Variants in CDH4 observed in about 807,000 individuals in gnomAD.
CDH4 encodes cadherin 4.
A neutral mutation model predicts 86.0 loss-of-function variants in CDH4; 33 were observed. The ratio of observed to expected loss-of-function variants is 0.38; its 90% CI spans 0.29 to 0.51. The LOEUF (loss-of-function observed/expected upper bound fraction) is 0.51. Ranked by LOEUF, CDH4 falls within the 20% of genes least tolerant of loss-of-function variation. CDH4 has a pLI of 0.86. For synonymous variants in CDH4, 555 were observed against 549.4 expected (o/e 1.01, Z -0.14); for missense variants, 1,114 against 1,307.4 (o/e 0.85, Z 2.28).
chr20:61,930,471 C>T (rs561620849), intron 13 of CDH4, among the ~76,000 whole-genome samples: 20 of 152,232 alleles, frequency 1.3e-4, no homozygotes, highest in East Asian at 5.8e-4. Flanking sequence ...GGACAGTCAC[C>T]GTGGTCTGTG....
intron 4 of CDH4, among the ~76,000 whole-genome samples, chr20:61,778,220 A>T (rs1385094431): frequency 6.6e-6 from 1 of 152,152 alleles, no homozygotes; most frequent in Non-Finnish European, 1.5e-5. Flanking sequence ...CGGCTCCTGG[A>T]AGAAGCCCCA....
chr20:61,883,072 A>G (rs1353217717), intron 7 of CDH4, among the ~76,000 whole-genome samples: 1 of 151,936 alleles, frequency 6.6e-6, no homozygotes, highest in Non-Finnish European at 1.5e-5. Context: ...GAAATGAGAA[A>G]TGAACCCGGC....
chr20:61,284,228 T>C (rs2084281042), intron 2 of CDH4, among the ~76,000 whole-genome samples: 1 of 151,578 alleles, frequency 6.6e-6, no homozygotes, highest in South Asian at 2.1e-4. Context: ...GGCAGGAGAA[T>C]GCTTGAACCC....
intron 4 of CDH4, among the ~76,000 whole-genome samples, chr20:61,781,655 G>A (rs887889038): frequency 3.9e-5 from 6 of 152,176 alleles, no homozygotes; most frequent in Non-Finnish European, 4.4e-5. Context: ...ACATCTGTGT[G>A]ATGGCAATAA....
chr20:61,796,180 G>A (rs1449149720), intron 4 of CDH4, among the ~76,000 whole-genome samples: 1 of 152,188 alleles, frequency 6.6e-6, no homozygotes, highest in Non-Finnish European at 1.5e-5. Flanking sequence ...TGTGAGGCGA[G>A]GAGTGTTATC....
At chr20:61,935,036 G>A (rs1568899506) in intron 15 of CDH4, among the ~76,000 whole-genome samples, 1 of 152,230 alleles carries the variant, frequency 6.6e-6, no homozygotes, top group African/African-American at 2.4e-5. Context: ...GTCAAACAGG[G>A]CAGACTCCTC....
rs183304412 is a variant in CDH4 at position 61,756,307 on chromosome 20, G to C, written c.396+12518G>C. Among the ~76,000 whole-genome samples, 1,126 of 152,304 alleles carry C rather than the reference G, an allele frequency of 7.4e-3. 20 individuals carry two copies. The highest frequency in any genetic ancestry group is 0.026 in the African/African-American group (1,080 of 41,570). On this transcript the variant is annotated intron_variant, in intron 3 of 15. Coordinates refer to ENST00000614565, the MANE Select transcript of CDH4 (RefSeq NM_001794.5). ...TGCATTTGTATGCTGGGGGCTGTGG[G>C]ACTGTCACAGAATGAGAGGGGTTGC...
intron 2 of CDH4, among the ~76,000 whole-genome samples, chr20:61,416,975 G>A (rs185968355): frequency 1.3e-5 from 2 of 152,182 alleles, no homozygotes; most frequent in African/African-American, 2.4e-5. Context: ...TCTTCCAATT[G>A]CTGGTTTGAA....
intron 2 of CDH4, among the ~76,000 whole-genome samples, chr20:61,431,713 A>G (rs2085247658): frequency 1.3e-5 from 2 of 152,114 alleles, no homozygotes; most frequent in South Asian, 4.1e-4. Flanking sequence ...GAATTTTGAC[A>G]TATGAAAACA....
At chr20:61,509,597 G>C (rs1600719919) in intron 2 of CDH4, among the ~76,000 whole-genome samples, 2 of 151,620 alleles carry the variant, frequency 1.3e-5, no homozygotes, top group African/African-American at 4.9e-5. Flanking sequence ...GTGGGGGACA[G>C]GACCGTCATG....
At chr20:61,317,791 C>T (rs776487842) in intron 2 of CDH4, among the ~76,000 whole-genome samples, 5 of 152,152 alleles carry the variant, frequency 3.3e-5, no homozygotes, top group African/African-American at 4.8e-5. Context: ...TTCTGGGAAG[C>T]GTTTTTTCCG....
intron 2 of CDH4, among the ~76,000 whole-genome samples, chr20:61,696,516 C>G (rs1469077559): frequency 1.3e-5 from 2 of 152,206 alleles, no homozygotes; most frequent in Non-Finnish European, 2.9e-5. Context: ...CTGTGTACAG[C>G]AGAGCTCACT....
At chr20:61,737,185 A>T (rs2088276270) in intron 2 of CDH4, among the ~76,000 whole-genome samples, 1 of 152,182 alleles carries the variant, frequency 6.6e-6, no homozygotes, top group African/African-American at 2.4e-5. Context: ...AGTGGGCAAC[A>T]GAGGGTGGTC....
intron 2 of CDH4, among the ~76,000 whole-genome samples, chr20:61,323,681 A>C (rs1568797489): frequency 6.6e-6 from 1 of 152,024 alleles, no homozygotes; most frequent in Admixed American, 6.6e-5. Flanking sequence ...CACATTCTGG[A>C]TGCTTGGGTT....
At chr20:61,652,311 T>G (rs6061301) in intron 2 of CDH4, among the ~76,000 whole-genome samples, 60,056 of 152,048 alleles carry the variant, frequency 0.39, 12,391 homozygotes, top group Non-Finnish European at 0.46. Context: ...ATGTATGTGG[T>G]TTCGCTTATT....
At position 61,754,640 on chromosome 20, in the gene CDH4, G is replaced by A. The variant is rs572031136; in HGVS notation, c.396+10851G>A. On this transcript the variant is annotated intron_variant, in intron 3 of 15. Transcript: ENST00000614565. This position sits in a 1 kb window ranked among gnomAD's most constrained non-coding sequence, Gnocchi z 4.7. The stretch of plus-strand genomic sequence containing the variant: ...CACGGCACACACACCACACACACAC[G>A]CCCCACACACCACACGCACACACGC... Among the ~76,000 whole-genome samples, 5 of 129,978 alleles carry A rather than the reference G, an allele frequency of 3.8e-5. No homozygotes were observed. Among genetic ancestry groups the A allele is most frequent in the South Asian group, 5.2e-4 (2 of 3,846 alleles). 85.3% of individuals were successfully genotyped at this position (129,978 alleles called of 152,430 possible).
At chr20:61,666,310 G>A (rs904636132) in intron 2 of CDH4, among the ~76,000 whole-genome samples, 10 of 152,198 alleles carry the variant, frequency 6.6e-5, no homozygotes, top group African/African-American at 2.4e-4. Context: ...CCCTGTAGAC[G>A]AACTTGAAAT....
chr20:61,854,967 C>T (rs1159155495), intron 6 of CDH4, among the ~76,000 whole-genome samples: 28 of 120,774 alleles, frequency 2.3e-4, no homozygotes, highest in East Asian at 5.6e-4. Context: ...GCCTTTGGCC[C>T]ACCCCCAGGG....
At chr20:61,661,240 GA>G (rs1349861176) in intron 2 of CDH4, among the ~76,000 whole-genome samples, 1 of 152,200 alleles carries the variant, frequency 6.6e-6, no homozygotes, top group Admixed American at 6.5e-5. Context: ...TGGGAGCTGG[GA>G]GGCCAGCACC....
Sources: gnomAD v4.1 joint callset for allele counts (sites outside exome capture counted in the v4.1 genomes callset) on GRCh38, gnomAD v4.1.1 for gene constraint, Gnocchi (gnomAD v3.1) non-coding constraint, MANE v1.5 for transcripts, NCBI Gene and HGNC (gene_info 2026-07-23, HGNC 2026-07-21) for gene names.